ANKHD1: variants seen among roughly 807,000 people sequenced by gnomAD.
ANKHD1 encodes the protein ankyrin repeat and KH domain-containing protein 1.
A neutral mutation model predicts 230.5 loss-of-function variants in ANKHD1; 31 were observed. That is an observed-to-expected ratio of 0.13 (90% confidence interval 0.10 to 0.18). The LOEUF (loss-of-function observed/expected upper bound fraction) is 0.18. Ranked by LOEUF, ANKHD1 falls within the 10% of genes least tolerant of loss-of-function variation. ANKHD1 has a pLI of 1.00. For missense variants in ANKHD1, 2,256 were observed against 3,071.3 expected (o/e 0.73, Z 6.27); for synonymous variants, 1,074 against 1,117.6 (o/e 0.96, Z 0.78).
At chr5:140,464,872 T>C in intron 10 of ANKHD1, 96 bp downstream of exon 10, 1 of 1,246,250 alleles carries the variant, frequency 8.0e-7, no homozygotes, top group Non-Finnish European at 1.1e-6. Flanking sequence ...GTTTGCGTAC[T>C]TTGTATACAG....
intron 1 of ANKHD1, among the ~76,000 whole-genome samples, chr5:140,417,665 G>T (rs1183309150): frequency 1.3e-5 from 2 of 151,934 alleles, no homozygotes; most frequent in African/African-American, 4.8e-5. Flanking sequence ...GCCCAGGCTG[G>T]TGGTCCTGAA....
chr5:140,450,504 G>T (rs1774642713), intron 7 of ANKHD1, among the ~76,000 whole-genome samples: 1 of 151,522 alleles, frequency 6.6e-6, no homozygotes, highest in Admixed American at 6.6e-5. Flanking sequence ...ATGATTCTAT[G>T]GGTTGATTGG....
rs1260528805 is a variant in ANKHD1, at chr5:140,454,980, A to T, written c.1243-3645A>T. ...TGGTAGACTTCTAGCAAGACTAATA[A>T]AGAAGAAGAGAGAAGAATCAAATAG... On this transcript the variant is annotated intron_variant, in intron 7 of 33. Transcript: ENST00000360839. Among the ~76,000 whole-genome samples, 3 of 82,380 alleles carry T rather than the reference A, an allele frequency of 3.6e-5. No individual in the cohort carries two copies. The East Asian group carries it at 2.0e-3, about 55-fold the overall frequency. 54.0% of individuals were successfully genotyped at this position (82,380 alleles called of 152,430 possible).
At chr5:140,417,964 C>G (rs180891796) in intron 1 of ANKHD1, among the ~76,000 whole-genome samples, 3 of 151,034 alleles carry the variant, frequency 2.0e-5, no homozygotes, top group Admixed American at 1.3e-4. Context: ...TTCAGCCCCC[C>G]GAGTAGCTGG....
chr5:140,530,372 C>T (rs1367776769), intron 29 of ANKHD1, among the ~76,000 whole-genome samples: 5 of 151,982 alleles, frequency 3.3e-5, no homozygotes, highest in African/African-American at 7.2e-5. Flanking sequence ...CCACCATGCC[C>T]GGCTAATTTT....
chr5:140,490,723 C>A (rs1443943916), intron 14 of ANKHD1, among the ~76,000 whole-genome samples: 2 of 152,170 alleles, frequency 1.3e-5, no homozygotes, highest in Non-Finnish European at 2.9e-5. Flanking sequence ...TGCTGCAAAG[C>A]ATTTAAAATT....
intron 10 of ANKHD1, among the ~76,000 whole-genome samples, chr5:140,477,761 G>T (rs969750389): frequency 6.6e-6 from 1 of 152,086 alleles, no homozygotes; most frequent in Non-Finnish European, 1.5e-5. Flanking sequence ...ACAGGCACCT[G>T]CCTCCGCGCC....
At chr5:140,402,469 C>G (rs1770028945) in intron 1 of ANKHD1, among the ~76,000 whole-genome samples, 196 bp downstream of exon 1, 1 of 152,180 alleles carries the variant, frequency 6.6e-6, no homozygotes, top group African/African-American at 2.4e-5. Flanking sequence ...GACAGGTTCC[C>G]GTCACCATTC....
intron 24 of ANKHD1, among the ~76,000 whole-genome samples, chr5:140,515,181 G>A (rs1752941765): frequency 6.6e-6 from 1 of 151,846 alleles, no homozygotes; most frequent in African/African-American, 2.4e-5. Flanking sequence ...AGGAGGCTGA[G>A]GCAGGAGAAT....
intron 1 of ANKHD1, among the ~76,000 whole-genome samples, chr5:140,423,464 G>A (rs1772153850): frequency 6.6e-6 from 1 of 152,114 alleles, no homozygotes; most frequent in Admixed American, 6.5e-5. Context: ...AATTTAAAAT[G>A]GAAGGATGCA....
intron 1 of ANKHD1, among the ~76,000 whole-genome samples, chr5:140,413,120 T>C (rs913206486): frequency 1.3e-5 from 2 of 152,186 alleles, no homozygotes; most frequent in South Asian, 4.1e-4. Flanking sequence ...AAGAACCAAC[T>C]AAGAACCAAA....
Position 140,464,767 on chromosome 5 carries a change from G to T in ANKHD1, c.1773G>T (p.Gly591=). ...TTGCAGATGTTTTACTTCAAGCAGGGGCTGATTTAGTAAGATATTTTTAAT... is the reference window on the plus strand; with the variant it reads ...TTGCAGATGTTTTACTTCAAGCAGGTGCTGATTTAGTAAGATATTTTTAAT... The part of the protein sequence containing the change: ...TDVADVLLQA[G]ADLEHESEGG... Residue 591 remains glycine (G), a synonymous_variant, in exon 10 of 34, where the codon GGG becomes GGT. Coordinates refer to ENST00000360839, the MANE Select transcript of ANKHD1 (RefSeq NM_017747.3). The T allele has an allele frequency of 6.3e-7, 1 of 1,598,010 alleles. No homozygotes were observed.
Position 140,497,290 on chromosome 5 carries a change from A to G in ANKHD1, c.3004+12A>G. The G allele has an allele frequency of 1.9e-6, 3 of 1,584,760 alleles. No homozygotes were observed. The highest frequency in any genetic ancestry group is 2.6e-6 in the Non-Finnish European group (3 of 1,172,422). On this transcript the variant is annotated intron_variant, in intron 15 of 33. Transcript: ENST00000360839. ...TGACCTGATAGCAGGTGGGTTAAGA[A>G]ATATATCTGTAATAATTTCTCTTTA...
At chr5:140,453,413 A>G (rs1774907367) in intron 7 of ANKHD1, among the ~76,000 whole-genome samples, 1 of 152,200 alleles carries the variant, frequency 6.6e-6, no homozygotes, top group Non-Finnish European at 1.5e-5. Flanking sequence ...CATAATTGTC[A>G]GATTCACCAA....
At chr5:140,536,840 A>G (rs931367836) in intron 30 of ANKHD1, among the ~76,000 whole-genome samples, 2 of 152,146 alleles carry the variant, frequency 1.3e-5, no homozygotes, top group East Asian at 1.9e-4. Context: ...CCTGACCAAC[A>G]TGGAGAAACC....
chr5:140,449,537 C>CT (rs766758810), intron 7 of ANKHD1, among the ~76,000 whole-genome samples: 84 of 133,304 alleles, frequency 6.3e-4, no homozygotes, highest in Non-Finnish European at 1.1e-3. Flanking sequence ...GGGCGGGTGC[C>CT]TGTAGTCCCA....
chr5:140,406,254 A>AAT (rs1461236487), intron 1 of ANKHD1, among the ~76,000 whole-genome samples: 54 of 151,812 alleles, frequency 3.6e-4, no homozygotes, highest in Middle Eastern at 6.8e-3. Context: ...AAAAAAAAAT[A>AAT]AATTATTTTA....
chr5:140,496,388 A>T, intron 14 of ANKHD1, 132 bp from the exon 15 acceptor site: 2 of 880,176 alleles, frequency 2.3e-6, no homozygotes, highest in African/African-American at 1.8e-5. Flanking sequence ...CTATAACATT[A>T]GTTATAAGGG....
chr5:140,525,116 C>CA (rs945533133), intron 25 of ANKHD1, among the ~76,000 whole-genome samples: 28 of 127,484 alleles, frequency 2.2e-4, no homozygotes, highest in Admixed American at 6.4e-4. Flanking sequence ...AACTCTGTCT[C>CA]AAAAAAAAAA....
Sources: gnomAD v4.1 joint callset for allele counts (sites outside exome capture counted in the v4.1 genomes callset) on GRCh38, gnomAD v4.1.1 for gene constraint, MANE v1.5 for transcripts, NCBI Gene and HGNC (gene_info 2026-07-23, HGNC 2026-07-21) for gene names.